Variants in ZNF354B observed in about 807,000 individuals in gnomAD.
ZNF354B encodes the protein zinc finger protein 354B.
Under a neutral mutation model 12.9 loss-of-function variants are expected in ZNF354B, and 10 were observed. The ratio of observed to expected loss-of-function variants is 0.77; its 90% CI spans 0.48 to 1.31. The LOEUF is 1.31. Among genes scored for constraint, ZNF354B ranks in the 40% most tolerant of loss-of-function variants. ZNF354B has a pLI of 0.00. For synonymous variants in ZNF354B, 260 were observed against 243.7 expected (o/e 1.07, Z -0.62); for missense variants, 614 against 711.7 (o/e 0.86, Z 1.56).
intron 4 of ZNF354B, among the ~76,000 whole-genome samples, chr5:178,869,746 A>G (rs565716175): frequency 1.3e-5 from 2 of 152,060 alleles, no homozygotes; most frequent in South Asian, 2.1e-4. Flanking sequence ...TTGATTGAGT[A>G]AGAAAGGACG....
At chr5:178,869,635 G>A (rs1757530267) in intron 4 of ZNF354B, among the ~76,000 whole-genome samples, 1 of 152,100 alleles carries the variant, frequency 6.6e-6, no homozygotes, top group African/African-American at 2.4e-5. Context: ...AAAATATGAC[G>A]AGTGCAGAGT....
Position 178,883,383 on chromosome 5 carries a change from T to G in ZNF354B, c.931T>G (p.Ser311Ala), listed in dbSNP as rs1487119914. 1.2e-6 allele frequency: 2 copies of G among 1,614,136 alleles called. No individual in the cohort carries two copies. Among genetic ancestry groups the G allele is most frequent in the Admixed American group, 1.7e-5 (1 of 60,024 alleles). The stretch of plus-strand genomic sequence containing the variant: ...ATGTGGTAAATCCTTCAGTCGAAGG[T>G]CTGGGCTTTTTATACATCAAAAAAT... ...KECGKSFSRR[S>A]GLFIHQKIHA... Residue 311 changes from serine to alanine, a missense_variant, in exon 5 of 5, where the codon TCT becomes GCT. By Grantham distance (99) the Ser-to-Ala change is moderately conservative. Transcript: ENST00000322434.
chr5:178,872,019 A>G (rs1757570221), intron 4 of ZNF354B, among the ~76,000 whole-genome samples: 1 of 152,206 alleles, frequency 6.6e-6, no homozygotes, highest in South Asian at 2.1e-4. Context: ...GTATAATACC[A>G]CAACCAAGAT....
intron 2 of ZNF354B, among the ~76,000 whole-genome samples, chr5:178,865,699 T>G (rs529044873): frequency 6.6e-6 from 1 of 152,360 alleles, no homozygotes; most frequent in East Asian, 1.9e-4. Flanking sequence ...TACAAAGCTC[T>G]AAATATAGTG....
Position 178,859,982 on chromosome 5 carries a change from G to T in ZNF354B, c.-197G>T, listed in dbSNP as rs911783811. The T allele has an allele frequency of 1.5e-4, 23 of 152,300 alleles. No individual in the cohort carries two copies. Among genetic ancestry groups the T allele is most frequent in the African/African-American group, 5.5e-4 (23 of 41,468 alleles). 9.4% of individuals were successfully genotyped at this position (152,300 alleles called of 1,614,324 possible). A position where few individuals can be genotyped will look rare whatever the true frequency, so the allele number is the denominator to read the frequency against. On this transcript the variant is annotated 5_prime_UTR_variant, in exon 1 of 5. Transcript: ENST00000322434. ...GCCGCCTTGCTCCTCTAGGTCCCAG[G>T]CGCTCTGCGGAGCTTTCGCTGCCCG...
intron 4 of ZNF354B, among the ~76,000 whole-genome samples, chr5:178,880,772 G>T (rs1364353638): frequency 6.6e-6 from 1 of 151,116 alleles, no homozygotes; most frequent in African/African-American, 2.4e-5. Flanking sequence ...TTAAAGGAAG[G>T]AGCCACTGTA....
chr5:178,878,258 C>A (rs543495318), intron 4 of ZNF354B, among the ~76,000 whole-genome samples: 1 of 151,996 alleles, frequency 6.6e-6, no homozygotes, highest in East Asian at 1.9e-4. Context: ...TGGCGGGCGC[C>A]TGTAGTCTCA....
intron 4 of ZNF354B, among the ~76,000 whole-genome samples, chr5:178,880,518 T>C (rs1397156238): frequency 6.6e-6 from 1 of 150,492 alleles, no homozygotes; most frequent in Non-Finnish European, 1.5e-5. Context: ...TTTTTTTTTT[T>C]AAAGACAGGG....
At chr5:178,874,900 A>G (rs1048986507) in intron 4 of ZNF354B, among the ~76,000 whole-genome samples, 1 of 152,122 alleles carries the variant, frequency 6.6e-6, no homozygotes, top group Admixed American at 6.5e-5. Context: ...TAGTCAGTTG[A>G]CTTCTTTTTG....
At chr5:178,865,938 A>G (rs1757441387) in intron 2 of ZNF354B, among the ~76,000 whole-genome samples, 1 of 152,182 alleles carries the variant, frequency 6.6e-6, no homozygotes, top group Non-Finnish European at 1.5e-5. Context: ...GTTAAAGATT[A>G]TACATAGTTC....
intron 4 of ZNF354B, among the ~76,000 whole-genome samples, chr5:178,881,055 G>A (rs2114027876): frequency 6.6e-6 from 1 of 151,858 alleles, no homozygotes; most frequent in Middle Eastern, 3.4e-3. Flanking sequence ...TGTTGGCCAG[G>A]CTGGTCTCAA....
chr5:178,874,695 A>T (rs1561669269), intron 4 of ZNF354B, among the ~76,000 whole-genome samples: 1 of 151,992 alleles, frequency 6.6e-6, no homozygotes, highest in Non-Finnish European at 1.5e-5. Flanking sequence ...TTGAATCTTT[A>T]TGATCTTTGT....
intron 2 of ZNF354B, among the ~76,000 whole-genome samples, chr5:178,861,787 C>T (rs1487138183): frequency 1.3e-5 from 2 of 152,158 alleles, no homozygotes; most frequent in Admixed American, 6.5e-5. Flanking sequence ...TAACCCATCT[C>T]CTCTGTTGCT....
intron 2 of ZNF354B, among the ~76,000 whole-genome samples, chr5:178,863,900 G>T (rs556064489): frequency 6.6e-6 from 1 of 152,172 alleles, no homozygotes; most frequent in Admixed American, 6.5e-5. Context: ...TTTGAAATAG[G>T]AGAAAGCTTA....
rs1234237867 is a variant in ZNF354B at position 178,884,283 on chromosome 5, C to T, written c.1831C>T (p.His611Tyr). 1.1e-5 allele frequency: 18 copies of T among 1,581,070 alleles called. No individual in the cohort carries two copies. The highest frequency in any genetic ancestry group is 1.5e-5 in the Non-Finnish European group (17 of 1,165,642). ...IEEDSLKADLHV is the reference protein window; with the variant it reads ...IEEDSLKADLYV ...AGAGGACTCCTTAAAAGCCGATTTG[C>T]ATGTGTGAAAGCCTTAAACCAAAAC... is the stretch of plus-strand genomic sequence containing the variant. The change falls in exon 5 of 5, where the codon CAT becomes TAT. Residue 611 changes from histidine (H) to tyrosine (Y), a missense_variant. By Grantham distance (83) the His-to-Tyr change is moderately conservative (BLOSUM62 2). Coordinates refer to ENST00000322434, the MANE Select transcript of ZNF354B (RefSeq NM_058230.3).
chr5:178,864,249 C>T (rs60277514), intron 2 of ZNF354B, among the ~76,000 whole-genome samples: 22,574 of 152,096 alleles, frequency 0.15, 2,051 homozygotes, highest in African/African-American at 0.25. Context: ...TATGCTGTAG[C>T]GTACCATGCC....
At chr5:178,864,596 G>A (rs1581807780) in intron 2 of ZNF354B, among the ~76,000 whole-genome samples, 1 of 151,654 alleles carries the variant, frequency 6.6e-6, no homozygotes, top group South Asian at 2.1e-4. Context: ...TTTATTGAAT[G>A]TTTCAATAGT....
intron 4 of ZNF354B, among the ~76,000 whole-genome samples, chr5:178,870,436 C>T (rs1047444455): frequency 6.6e-5 from 10 of 152,160 alleles, no homozygotes; most frequent in African/African-American, 7.2e-5. Flanking sequence ...GCCACCATGC[C>T]GGGCTAATTT....
chr5:178,873,708 CTTG>C (rs1561668899), intron 4 of ZNF354B, among the ~76,000 whole-genome samples: 1 of 151,996 alleles, frequency 6.6e-6, no homozygotes, highest in South Asian at 2.1e-4. Context: ...GTGATTACTT[CTTG>C]TTGTTTTTTA....
Sources: gnomAD v4.1 joint callset for allele counts (sites outside exome capture counted in the v4.1 genomes callset) on GRCh38, gnomAD v4.1.1 for gene constraint, MANE v1.5 for transcripts, NCBI Gene and HGNC (gene_info 2026-07-23, HGNC 2026-07-21) for gene names.